ROBO2: variants seen among roughly 807,000 people sequenced by gnomAD.
ROBO2 encodes roundabout guidance receptor 2.
Under a neutral mutation model 160.8 loss-of-function variants are expected in ROBO2, and 53 were observed. The ratio of observed to expected loss-of-function variants is 0.33; its 90% confidence interval spans 0.26 to 0.41. The LOEUF is 0.41. Among genes scored for constraint, ROBO2 ranks in the 10% least tolerant of loss-of-function variants. The probability of loss-of-function intolerance (pLI) is 1.00; values close to 1 mark genes in which losing one functional copy is unlikely to be tolerated. For missense variants in ROBO2, 1,577 were observed against 1,722.4 expected (o/e 0.92, Z 1.49); for synonymous variants, 664 against 611.7 (o/e 1.09, Z -1.26).
chr3:77,373,516 T>C (rs915974761), intron 2 of ROBO2, among the ~76,000 whole-genome samples: 1 of 152,102 alleles, frequency 6.6e-6, no homozygotes, highest in Non-Finnish European at 1.5e-5. Flanking sequence ...CATATTTCCA[T>C]GGTAGGTCTT....
intron 2 of ROBO2, among the ~76,000 whole-genome samples, chr3:76,237,220 TC>T (rs1194903276): frequency 6.6e-6 from 1 of 152,138 alleles, no homozygotes; most frequent in Non-Finnish European, 1.5e-5. Context: ...GATACCTAAA[TC>T]TTGGTGTTAA....
At chr3:77,010,834 C>G (rs910169885) in intron 2 of ROBO2, among the ~76,000 whole-genome samples, 1 of 65,128 alleles carries the variant, frequency 1.5e-5, no homozygotes, top group Non-Finnish European at 3.9e-5. Flanking sequence ...TCCTTCCTTC[C>G]TCCCTCCCTC....
At chr3:75,920,788 T>G in intron 1 of ROBO2, among the ~76,000 whole-genome samples, 1 of 152,200 alleles carries the variant, frequency 6.6e-6, no homozygotes, top group East Asian at 1.9e-4. Context: ...CGTAATGCCC[T>G]TTGTCCTTTT....
intron 2 of ROBO2, among the ~76,000 whole-genome samples, chr3:76,471,611 C>A (rs763457969): frequency 6.6e-6 from 1 of 152,096 alleles, no homozygotes; most frequent in Admixed American, 6.6e-5. Context: ...TAAAGGAAAT[C>A]TATTTTCAGT....
chr3:76,697,511 G>A lies in ROBO2; in HGVS notation c.110-400503G>A, dbSNP rs1179700315. Among the ~76,000 whole-genome samples the A allele has an allele frequency of 4.6e-5, 7 of 152,052 alleles. No individual in the cohort carries two copies. The East Asian group carries it at 1.4e-3, about 29-fold the overall frequency. On this transcript the variant is annotated intron_variant, in intron 2 of 26. Transcript: ENST00000487694. ...TGAAATAAAGAATTAGCCGGGCATG[G>A]TGCCGCATGCCTGTGGTCCCAGCTA...
At chr3:77,624,558 C>T (rs1040041076) in intron 23 of ROBO2, among the ~76,000 whole-genome samples, 1 of 152,146 alleles carries the variant, frequency 6.6e-6, no homozygotes, top group Non-Finnish European at 1.5e-5. Context: ...TTCTAACATG[C>T]TTATGTTTTC....
At chr3:76,354,579 T>C (rs935490989) in intron 2 of ROBO2, among the ~76,000 whole-genome samples, 1 of 151,886 alleles carries the variant, frequency 6.6e-6, no homozygotes, top group Non-Finnish European at 1.5e-5. Flanking sequence ...GGAAGTTATA[T>C]ATAAAACCAG....
At chr3:76,218,171 C>A (rs577605262) in intron 2 of ROBO2, among the ~76,000 whole-genome samples, 1 of 152,172 alleles carries the variant, frequency 6.6e-6, no homozygotes, top group South Asian at 2.1e-4. Flanking sequence ...CTCAAAATAA[C>A]AAGAGCTATC....
intron 2 of ROBO2, among the ~76,000 whole-genome samples, chr3:76,525,223 G>A (rs1260842147): frequency 6.6e-6 from 1 of 151,760 alleles, no homozygotes; most frequent in Non-Finnish European, 1.5e-5. Context: ...GAGAGTAAGT[G>A]ATAGACATTT....
At chr3:76,513,889 A>G (rs1386149141) in intron 2 of ROBO2, among the ~76,000 whole-genome samples, 2 of 152,194 alleles carry the variant, frequency 1.3e-5, no homozygotes, top group Non-Finnish European at 2.9e-5. Flanking sequence ...TTAGAATGTA[A>G]GAACTTTTTG....
chr3:76,817,344 G>A (rs2065763015), intron 2 of ROBO2, among the ~76,000 whole-genome samples: 1 of 152,030 alleles, frequency 6.6e-6, no homozygotes. Flanking sequence ...TGTAGAGTGT[G>A]TACTATAAAG....
At chr3:76,121,494 T>G (rs1392532860) in intron 2 of ROBO2, among the ~76,000 whole-genome samples, 25 of 152,180 alleles carry the variant, frequency 1.6e-4, no homozygotes, top group Non-Finnish European at 5.9e-5. Flanking sequence ...TCACTGAGGT[T>G]AGACAATTTC....
intron 2 of ROBO2, among the ~76,000 whole-genome samples, chr3:76,511,216 C>T (rs887731390): frequency 5.3e-5 from 8 of 152,194 alleles, no homozygotes; most frequent in Non-Finnish European, 1.2e-4. Context: ...GTGTCAGGCA[C>T]AAGTTAAGTA....
intron 2 of ROBO2, among the ~76,000 whole-genome samples, chr3:76,380,584 G>T (rs532382891): frequency 1.3e-5 from 2 of 151,814 alleles, no homozygotes; most frequent in Non-Finnish European, 2.9e-5. Context: ...TTTTCTCTAG[G>T]TTTCTTTATT....
intron 2 of ROBO2, among the ~76,000 whole-genome samples, chr3:77,316,234 A>C (rs552017315): frequency 6.6e-6 from 1 of 152,294 alleles, no homozygotes; most frequent in South Asian, 2.1e-4. Flanking sequence ...AATGGCACGG[A>C]AGAAACAGTG....
At chr3:76,512,773 A>G (rs1398488361) in intron 2 of ROBO2, among the ~76,000 whole-genome samples, 1 of 152,144 alleles carries the variant, frequency 6.6e-6, no homozygotes, top group African/African-American at 2.4e-5. Context: ...TCATGTTTAG[A>G]CTTGGGTTCC....
At chr3:76,207,256 A>G (rs1344485019) in intron 2 of ROBO2, among the ~76,000 whole-genome samples, 1 of 152,156 alleles carries the variant, frequency 6.6e-6, no homozygotes, top group Non-Finnish European at 1.5e-5. Flanking sequence ...TTAAATAAAT[A>G]CTGTTTTGCA....
At chr3:77,544,283 C>T (rs1302685027) in intron 6 of ROBO2, among the ~76,000 whole-genome samples, 1 of 152,026 alleles carries the variant, frequency 6.6e-6, no homozygotes, top group Non-Finnish European at 1.5e-5. Flanking sequence ...TTCGGGAGAA[C>T]TGTGTGGAAA....
intron 2 of ROBO2, among the ~76,000 whole-genome samples, chr3:77,118,152 A>T (rs2074386724): frequency 6.6e-6 from 1 of 152,188 alleles, no homozygotes; most frequent in African/African-American, 2.4e-5. Context: ...GAATTAAGTG[A>T]GGTTTCTTCT....
Sources: gnomAD v4.1 joint callset for allele counts (sites outside exome capture counted in the v4.1 genomes callset) on GRCh38, gnomAD v4.1.1 for gene constraint, MANE v1.5 for transcripts, NCBI Gene and HGNC (gene_info 2026-07-23, HGNC 2026-07-21) for gene names.